Variants in ANO1 observed in about 807,000 individuals in gnomAD.
ANO1 encodes the protein anoctamin-1.
ANO1 carries 59 observed loss-of-function variants against 124.0 expected under a neutral mutation model. That is an observed-to-expected ratio of 0.48 (90% CI 0.39 to 0.59). ANO1 has a LOEUF of 0.59. ANO1 is among the 20% of genes least tolerant of loss of function. The pLI, the probability that ANO1 is intolerant of heterozygous loss-of-function variation, is 0.00. For missense variants in ANO1, 1,059 were observed against 1,328.0 expected (o/e 0.80, Z 3.15); for synonymous variants, 529 against 532.0 (o/e 0.99, Z 0.08).
At chr11:70,147,459 T>C (rs2047428377) in intron 11 of ANO1, among the ~76,000 whole-genome samples, 1 of 152,170 alleles carries the variant, frequency 6.6e-6, no homozygotes. Context: ...TCACCAGCCA[T>C]GGTGCTCAGT....
At position 70,130,174 on chromosome 11, in the gene ANO1, C is replaced by T. The variant is rs1451204136; in HGVS notation, c.1098-1745C>T. On this transcript the variant is annotated intron_variant, in intron 10 of 25. Coordinates refer to ENST00000355303, the MANE Select transcript of ANO1 (RefSeq NM_018043.7). ...AACCAGCCAGGGTGTGTACTTAGAG[C>T]CCAGAGCCTTGTCCAAGGCAGCAGA... is the stretch of plus-strand genomic sequence containing the variant. Among the ~76,000 whole-genome samples the T allele has an allele frequency of 2.0e-5, 3 of 152,308 alleles. No individual in the cohort carries two copies. In the East Asian group the frequency reaches 5.8e-4, roughly 29 times the overall value.
intron 1 of ANO1, among the ~76,000 whole-genome samples, chr11:70,066,818 C>A (rs1555008658): frequency 6.6e-6 from 1 of 152,172 alleles, no homozygotes; most frequent in East Asian, 1.9e-4. Context: ...AGTCATAGAC[C>A]AGTCAGCCCC....
rs1555006017 is a variant in ANO1 at position 70,049,183 on chromosome 11, T to TC, written c.59-29359_59-29358insC. ...GGCTAAACCATGACCCGACATGAAG[T>TC]GGGAGCTGGAAGCTCAGCTCCCACC... On this transcript the variant is annotated intron_variant, in intron 1 of 27. Coordinates refer to the ANO1 transcript ENST00000531349. 2.3e-4 allele frequency among the ~76,000 whole-genome samples: 35 copies of TC among 152,268 alleles called. No homozygotes were observed. The South Asian group carries it at 7.3e-3, about 32-fold the overall frequency.
intron 23 of ANO1, among the ~76,000 whole-genome samples, chr11:70,182,287 A>G (rs2048956629): frequency 1.3e-5 from 2 of 152,248 alleles, no homozygotes; most frequent in African/African-American, 4.8e-5. Context: ...TCTGGCCACC[A>G]GGCACTCTCC....
In ANO1 at chr11:70,104,142, G is replaced by A. The variant is rs367643845; in HGVS notation, c.684G>A (p.Lys228=). ...KRLSYPFSRE[K]QHLFDLSDKD... ...TCTCCTATCCCTTCTCCCGGGAGAA[G>A]CAGCATCTGTAAGTGGGGACCCCCA... The change falls in exon 4 of 26, where the codon AAG becomes AAA. Residue 228 remains lysine, a synonymous_variant. Transcript: ENST00000355303. The A allele has an allele frequency of 1.6e-5, 25 of 1,612,216 alleles. No homozygotes were observed. In the African/African-American group the frequency reaches 2.9e-4, roughly 19 times the overall value.
chr11:70,091,064 C>T, intron 2 of ANO1, among the ~76,000 whole-genome samples: 1 of 152,146 alleles, frequency 6.6e-6, no homozygotes, highest in East Asian at 1.9e-4. Context: ...AGGGGCAGAG[C>T]CAGAATCTAT....
intron 7 of ANO1, among the ~76,000 whole-genome samples, chr11:70,115,399 G>A (rs1171426087): frequency 6.6e-6 from 1 of 151,940 alleles, no homozygotes; most frequent in Non-Finnish European, 1.5e-5. Context: ...GATCACTTGA[G>A]GTCAGGAGTT....
intron 4 of ANO1, 128 bp downstream of exon 4, chr11:70,104,278 T>C: frequency 8.9e-7 from 1 of 1,126,074 alleles, no homozygotes; most frequent in Non-Finnish European, 1.2e-6. Flanking sequence ...AGCTTTGTGG[T>C]TGCTGAGCCC....
intron 1 of ANO1, among the ~76,000 whole-genome samples, chr11:70,026,015 G>A (rs1377418477): frequency 6.7e-6 from 1 of 150,056 alleles, no homozygotes; most frequent in Admixed American, 6.6e-5. Context: ...TGATGATGGT[G>A]GTGGTGATGG....
chr11:70,018,888 C>T (rs113786351), intron 1 of ANO1, among the ~76,000 whole-genome samples: 303 of 152,312 alleles, frequency 2.0e-3, no homozygotes, highest in African/African-American at 6.9e-3. Flanking sequence ...AGCTCAGTAC[C>T]GGGGACATGG....
chr11:70,022,336 C>T (rs974134174), intron 1 of ANO1, among the ~76,000 whole-genome samples: 2 of 152,138 alleles, frequency 1.3e-5, no homozygotes, highest in African/African-American at 2.4e-5. Context: ...TGGTGGCTCA[C>T]GCCTGTCATC....
chr11:70,185,725 T>C, intron 25 of ANO1, 30 bp downstream of exon 25: 1 of 1,607,314 alleles, frequency 6.2e-7, no homozygotes, highest in Non-Finnish European at 8.5e-7. Context: ...GTTTCCGGTT[T>C]GAAGATGGGA....
intron 11 of ANO1, among the ~76,000 whole-genome samples, chr11:70,146,411 T>C (rs1456932162): frequency 6.6e-6 from 1 of 152,150 alleles, no homozygotes; most frequent in Non-Finnish European, 1.5e-5. Flanking sequence ...TGCTGCAAGC[T>C]GGCCAGTGCA....
At chr11:69,990,172 CT>C (rs1856126466) in intron 1 of ANO1, among the ~76,000 whole-genome samples, 1 of 152,194 alleles carries the variant, frequency 6.6e-6, no homozygotes, top group East Asian at 1.9e-4. Flanking sequence ...CTCCTAACCC[CT>C]GGTAACCTCT....
the ANO1 span, among the ~76,000 whole-genome samples, chr11:69,973,593 G>A: frequency 6.6e-6 from 1 of 152,158 alleles, no homozygotes; most frequent in Non-Finnish European, 1.5e-5. Context: ...TGGTTCCTTA[G>A]CCGGGCGCGG....
At chr11:70,165,222 G>A (rs1036527627) in intron 19 of ANO1, 18 of 510,054 alleles carry the variant, frequency 3.5e-5, no homozygotes, top group African/African-American at 3.5e-4. Flanking sequence ...CTTTTTCTGA[G>A]GACATCAGTC....
At chr11:70,177,933 G>A (rs547305160) in intron 22 of ANO1, among the ~76,000 whole-genome samples, 1 of 152,326 alleles carries the variant, frequency 6.6e-6, no homozygotes, top group East Asian at 1.9e-4. Flanking sequence ...TGGTTTTTAA[G>A]CATCCGTCTG....
At position 70,125,843 on chromosome 11, in the gene ANO1, C is replaced by CA. The variant is rs35617632; in HGVS notation, c.963-209dup. Among the ~76,000 whole-genome samples the CA allele has an allele frequency of 7.7e-3, 596 of 77,734 alleles. 7 individuals are homozygous for CA. The highest frequency in any genetic ancestry group is 0.023 in the African/African-American group (513 of 22,650). The allele number at this position is 77,734 out of a possible 152,430, so 51.0% of individuals were successfully genotyped here. A position where few individuals can be genotyped will look rare whatever the true frequency, so the allele number is the denominator to read the frequency against. The stretch of plus-strand genomic sequence containing the variant: ...TGGGCAACAGAGCGAGACTCCATCT[C>CA]AAAAAAAAACAAAAAAAGAGAGAAG... On this transcript the variant is annotated intron_variant, in intron 9 of 25. Coordinates refer to ENST00000355303, the MANE Select transcript of ANO1 (RefSeq NM_018043.7).
At chr11:70,020,882 C>T (rs1856793315) in intron 1 of ANO1, 1 of 152,250 alleles carries the variant, frequency 6.6e-6, no homozygotes, top group South Asian at 2.1e-4. Context: ...AAAGAGCTAA[C>T]CTTTTTAGAA....
Sources: gnomAD v4.1 joint callset for allele counts (sites outside exome capture counted in the v4.1 genomes callset) on GRCh38, gnomAD v4.1.1 for gene constraint, MANE v1.5 for transcripts, NCBI Gene and HGNC (gene_info 2026-07-23, HGNC 2026-07-21) for gene names.